DCC: variants seen among roughly 807,000 people sequenced by gnomAD.
The protein encoded by DCC is DCC netrin 1 receptor.
In DCC, 58 loss-of-function variants were observed where a neutral mutation model predicts 172.5. The ratio of observed to expected loss-of-function variants is 0.34; its 90% CI spans 0.27 to 0.42. DCC has a LOEUF of 0.42. Ranked by LOEUF, DCC falls within the 10% of genes least tolerant of loss-of-function variation. The probability of loss-of-function intolerance (pLI) is 1.00; values close to 1 mark genes in which losing one functional copy is unlikely to be tolerated. For missense variants in DCC, 1,740 were observed against 1,791.0 expected, an observed-to-expected ratio of 0.97 and a Z score of 0.51; for synonymous variants, 709 against 644.5, an observed-to-expected ratio of 1.10 and a Z score of -1.52.
At chr18:53,015,243 A>T (rs528982658) in intron 5 of DCC, among the ~76,000 whole-genome samples, 1 of 152,346 alleles carries the variant, frequency 6.6e-6, no homozygotes, top group South Asian at 2.1e-4. Context: ...AGTTTAAAAT[A>T]TGAAAAGAAC....
chr18:53,131,321 CTAAT>C (rs888057068), intron 7 of DCC, among the ~76,000 whole-genome samples: 4 of 151,960 alleles, frequency 2.6e-5, no homozygotes, highest in African/African-American at 9.7e-5. Context: ...GGAAAAATAA[CTAAT>C]AAATACTTCT....
chr18:53,013,002 C>T (rs568174895), intron 5 of DCC, among the ~76,000 whole-genome samples: 173 of 152,182 alleles, frequency 1.1e-3, no homozygotes, highest in African/African-American at 3.8e-3. Flanking sequence ...TAGAGAAATG[C>T]AAATCAAAAC....
intron 2 of DCC, among the ~76,000 whole-genome samples, chr18:52,794,857 T>G (rs1160941600): frequency 2.0e-5 from 3 of 152,008 alleles, no homozygotes; most frequent in Admixed American, 2.0e-4. Context: ...GGTATTGAAT[T>G]TTATCTTTTT....
chr18:52,618,160 C>T (rs1785218897), intron 1 of DCC, among the ~76,000 whole-genome samples: 1 of 151,994 alleles, frequency 6.6e-6, no homozygotes, highest in South Asian at 2.1e-4. Flanking sequence ...AGACCTGACT[C>T]ACATTAGAAG....
intron 15 of DCC, among the ~76,000 whole-genome samples, chr18:53,341,007 A>G (rs1021953272): frequency 2.6e-5 from 4 of 152,218 alleles, no homozygotes; most frequent in African/African-American, 9.7e-5. Context: ...TCAAACACTA[A>G]TAAGAGAAAC....
rs77707575 is a variant in DCC at position 52,804,998 on chromosome 18, C to T, written c.412+52624C>T. ...TATTTTCATCAGGATAGATTTTTTT[C>T]AAGTCTAGCCTCTGCCACTAAATGT... On this transcript the variant is annotated intron_variant, in intron 2 of 28. Coordinates refer to ENST00000442544, the MANE Select transcript of DCC (RefSeq NM_005215.4). 1.8e-3 allele frequency among the ~76,000 whole-genome samples: 271 copies of T among 152,196 alleles called. 7 individuals are homozygous for T. In the East Asian group the frequency reaches 0.046, roughly 26 times the overall value.
At chr18:52,858,854 T>C (rs2039092007) in intron 2 of DCC, among the ~76,000 whole-genome samples, 1 of 152,208 alleles carries the variant, frequency 6.6e-6, no homozygotes, top group African/African-American at 2.4e-5. Flanking sequence ...GTTTGCTTGC[T>C]TTTCTGGAGT....
At chr18:53,048,399 A>C (rs2042287619) in intron 5 of DCC, among the ~76,000 whole-genome samples, 2 of 150,900 alleles carry the variant, frequency 1.3e-5, no homozygotes, top group Admixed American at 1.3e-4. Flanking sequence ...TTTCTGCGTT[A>C]GTTTGCTAAG....
At chr18:53,281,762 ATTTTTTTTTT>A (rs754969859) in intron 12 of DCC, among the ~76,000 whole-genome samples, 1 of 115,308 alleles carries the variant, frequency 8.7e-6, no homozygotes, top group Non-Finnish European at 1.8e-5. Context: ...TTAATGGGGG[ATTTTTTTTTT>A]TTTTTTTTTT....
At chr18:52,530,591 G>A (rs915974209) in intron 1 of DCC, among the ~76,000 whole-genome samples, 3 of 152,154 alleles carry the variant, frequency 2.0e-5, no homozygotes, top group African/African-American at 7.2e-5. Flanking sequence ...TGGAACTTTT[G>A]TCTTTTTCTT....
At chr18:53,141,232 G>A (rs2043825626) in intron 7 of DCC, among the ~76,000 whole-genome samples, 2 of 152,130 alleles carry the variant, frequency 1.3e-5, no homozygotes, top group South Asian at 2.1e-4. Context: ...TTGTTAAAGG[G>A]CTAAAAAATA....
At chr18:52,443,934 G>A (rs997158903) in intron 1 of DCC, among the ~76,000 whole-genome samples, 1 of 152,136 alleles carries the variant, frequency 6.6e-6, no homozygotes, top group African/African-American at 2.4e-5. Flanking sequence ...GGGCTGCAAA[G>A]GTGTTGAGAT....
chr18:53,446,182 A>G (rs1912601507), intron 22 of DCC, among the ~76,000 whole-genome samples: 1 of 151,670 alleles, frequency 6.6e-6, no homozygotes, highest in African/African-American at 2.4e-5. Context: ...GCTACTAGGG[A>G]AACTGAGATG....
rs180976145 is a variant in DCC, at chr18:52,695,709, G to A, written c.92-56345G>A. 4.6e-5 allele frequency among the ~76,000 whole-genome samples: 7 copies of A among 152,284 alleles called. No individual in the cohort carries two copies. In the East Asian group the frequency reaches 9.6e-4, roughly 21 times the overall value. On this transcript the variant is annotated intron_variant, in intron 1 of 28. Transcript: ENST00000442544. The stretch of plus-strand genomic sequence containing the variant: ...TGGATAACTGGGGAGTATTTTGAAC[G>A]TGGGTAGATTTGTGTTAAATGGATT...
At chr18:53,123,105 A>G (rs2043505549) in intron 7 of DCC, among the ~76,000 whole-genome samples, 2 of 152,100 alleles carry the variant, frequency 1.3e-5, no homozygotes, top group Admixed American at 1.3e-4. Context: ...ATGTTCATCA[A>G]CACAGTCTTT....
chr18:52,393,445 A>G (rs2144354791), intron 1 of DCC, among the ~76,000 whole-genome samples: 1 of 152,170 alleles, frequency 6.6e-6, no homozygotes, highest in Middle Eastern at 3.4e-3. Flanking sequence ...TGAGGGTGAG[A>G]CCTAGCAATC....
intron 15 of DCC, among the ~76,000 whole-genome samples, chr18:53,372,032 G>A (rs1334681490): frequency 6.6e-6 from 1 of 152,064 alleles, no homozygotes; most frequent in Non-Finnish European, 1.5e-5. Context: ...AATTAGTTCA[G>A]TTATTGTGGA....
chr18:52,981,556 C>T (rs1294502967), intron 5 of DCC, among the ~76,000 whole-genome samples: 1 of 151,924 alleles, frequency 6.6e-6, no homozygotes, highest in Non-Finnish European at 1.5e-5. Context: ...AAATTGGTCT[C>T]ATTAGGAGCT....
intron 5 of DCC, among the ~76,000 whole-genome samples, chr18:53,009,599 C>A (rs2041697549): frequency 6.6e-6 from 1 of 151,662 alleles, no homozygotes; most frequent in African/African-American, 2.4e-5. Flanking sequence ...AGTTTTGTAC[C>A]AATGCATGTT....
Sources: gnomAD v4.1 joint callset for allele counts (sites outside exome capture counted in the v4.1 genomes callset) on GRCh38, gnomAD v4.1.1 for gene constraint, MANE v1.5 for transcripts, NCBI Gene and HGNC (gene_info 2026-07-23, HGNC 2026-07-21) for gene names.